FBXO32: variants seen among roughly 807,000 people sequenced by gnomAD.
The protein encoded by FBXO32 is F-box only protein 32.
In FBXO32, 15 loss-of-function variants were observed where a neutral mutation model predicts 48.3. That is an observed-to-expected ratio of 0.31 (90% CI 0.21 to 0.48). FBXO32 has a LOEUF of 0.48. Among genes scored for constraint, FBXO32 ranks in the 20% least tolerant of loss-of-function variants. The probability of loss-of-function intolerance (pLI) is 0.99; values close to 1 mark genes in which losing one functional copy is unlikely to be tolerated. For missense variants in FBXO32, 309 were observed against 432.7 expected (o/e 0.71, Z 2.54); for synonymous variants, 154 against 165.9 (o/e 0.93, Z 0.55).
chr8:123,533,488 AT>A (rs199715089), intron 2 of FBXO32, among the ~76,000 whole-genome samples: 2 of 151,578 alleles, frequency 1.3e-5, no homozygotes, highest in Admixed American at 1.3e-4. Context: ...AAACTACTAT[AT>A]TTTTTTTTCT....
At chr8:123,521,454 G>T (rs1262236660) in intron 4 of FBXO32, among the ~76,000 whole-genome samples, 2 of 152,208 alleles carry the variant, frequency 1.3e-5, no homozygotes, top group Non-Finnish European at 2.9e-5. Context: ...TGATGCCCCA[G>T]GAGTGGCATG....
chr8:123,507,721 C>T lies in FBXO32; in HGVS notation c.652-1147G>A, dbSNP rs540818415. ...TGAGCTCATGATACCCTGCCCAGAT[C>T]TACATCCTTGAAGGCAGGGTCTAAT... On this transcript the variant is annotated intron_variant, in intron 6 of 8. Transcript: ENST00000517956. Among the ~76,000 whole-genome samples the T allele has an allele frequency of 1.8e-3, 275 of 152,052 alleles. 3 individuals carry two copies. The highest frequency in any genetic ancestry group is 6.9e-4 in the Non-Finnish European group (47 of 67,970).
chr8:123,534,338 AAG>A (rs1817271260), intron 2 of FBXO32, among the ~76,000 whole-genome samples: 1 of 152,230 alleles, frequency 6.6e-6, no homozygotes, highest in African/African-American at 2.4e-5. Context: ...TATACAAGGA[AAG>A]AGGGAGAAAA....
At position 123,506,746 on chromosome 8, in the gene FBXO32, C is replaced by A. The variant is rs1343696460; in HGVS notation, c.652-172G>T. 1.6e-6 allele frequency: 1 copy of A among 609,250 alleles called. No homozygotes were observed. The allele number at this position is 609,250 out of a possible 1,614,324, so 37.7% of individuals were successfully genotyped here. A position where few individuals can be genotyped will look rare whatever the true frequency, so the allele number is the denominator to read the frequency against. The stretch of plus-strand genomic sequence containing the variant: ...CCTAAATGCAGACAGGAGACCATGG[C>A]CATGACCCTCAATGAAGTGTGGAGT... On this transcript the variant is annotated intron_variant, in intron 6 of 8. Coordinates refer to ENST00000517956, the MANE Select transcript of FBXO32 (RefSeq NM_058229.4). The surrounding 1 kb of genome is among the most constrained non-coding windows in gnomAD (Gnocchi z 4.0).
At chr8:123,536,631 G>A (rs1055242502) in intron 1 of FBXO32, among the ~76,000 whole-genome samples, 2 of 152,102 alleles carry the variant, frequency 1.3e-5, no homozygotes, top group African/African-American at 2.4e-5. Context: ...ACCACATGAA[G>A]GCTTACTTAG....
Position 123,506,882 on chromosome 8 carries a change from A to G in FBXO32, c.652-308T>C, listed in dbSNP as rs972730336. ...TGTGCTTTACTCAGTTCACACAATT[A>G]CAAGGTTCGCTGCTTTCCTGAAGGC... is the stretch of plus-strand genomic sequence containing the variant. On this transcript the variant is annotated intron_variant, in intron 6 of 8. Coordinates refer to ENST00000517956, the MANE Select transcript of FBXO32 (RefSeq NM_058229.4). The surrounding 1 kb of genome is among the most constrained non-coding windows in gnomAD (Gnocchi z 4.0). Among the ~76,000 whole-genome samples, 2 of 152,164 alleles carry G rather than the reference A, an allele frequency of 1.3e-5. No homozygotes were observed. Among genetic ancestry groups the G allele is most frequent in the African/African-American group, 4.8e-5 (2 of 41,430 alleles).
At chr8:123,521,342 G>A (rs1308957278) in intron 4 of FBXO32, among the ~76,000 whole-genome samples, 1 of 152,208 alleles carries the variant, frequency 6.6e-6, no homozygotes, top group East Asian at 1.9e-4. Context: ...ATTTCCTCCT[G>A]CTATAGATGA....
In FBXO32 at chr8:123,503,806, G is replaced by A. The variant is rs117441196; in HGVS notation, c.979-344C>T. Among the ~76,000 whole-genome samples, 1,099 of 152,250 alleles carry A rather than the reference G, an allele frequency of 7.2e-3. 6 individuals are homozygous for A. The highest frequency in any genetic ancestry group is 0.012 in the Non-Finnish European group (784 of 68,006). ...CTATTGAATATTTCAGGCTGGGCACGATGGCTCACACCTGTAATCCCAGCA... is the reference window on the plus strand; with the variant it reads ...CTATTGAATATTTCAGGCTGGGCACAATGGCTCACACCTGTAATCCCAGCA... On this transcript the variant is annotated intron_variant, in intron 8 of 8. Coordinates refer to ENST00000517956, the MANE Select transcript of FBXO32 (RefSeq NM_058229.4).
intron 2 of FBXO32, among the ~76,000 whole-genome samples, chr8:123,533,474 C>T (rs1817248933): frequency 6.6e-6 from 1 of 152,032 alleles, no homozygotes; most frequent in Non-Finnish European, 1.5e-5. Flanking sequence ...TATACCAAAG[C>T]TCCAAACTAC....
At chr8:123,514,674 T>G (rs1816802334) in intron 4 of FBXO32, among the ~76,000 whole-genome samples, 1 of 152,260 alleles carries the variant, frequency 6.6e-6, no homozygotes, top group Non-Finnish European at 1.5e-5. Context: ...ATGGCTGAGT[T>G]CTGCAGAATC....
chr8:123,535,613 G>A (rs991745965), intron 1 of FBXO32, among the ~76,000 whole-genome samples: 10 of 152,154 alleles, frequency 6.6e-5, no homozygotes, highest in African/African-American at 1.2e-4. Flanking sequence ...CGGGCCAGAC[G>A]CTTATTTGCC....
At chr8:123,515,924 AGAG>A in intron 4 of FBXO32, among the ~76,000 whole-genome samples, 1 of 152,302 alleles carries the variant, frequency 6.6e-6, no homozygotes, top group Admixed American at 6.5e-5. Context: ...GCCAGGAGGC[AGAG>A]GTTGCAGTGA....
At chr8:123,510,011 A>G (rs1213770896) in intron 6 of FBXO32, among the ~76,000 whole-genome samples, 1 of 152,230 alleles carries the variant, frequency 6.6e-6, no homozygotes, top group Non-Finnish European at 1.5e-5. Flanking sequence ...CAGATGAGAT[A>G]ATACATAGAA....
At chr8:123,532,042 C>T (rs1369802843) in intron 3 of FBXO32, 52 bp from the exon 4 acceptor site, 1 of 1,608,110 alleles carries the variant, frequency 6.2e-7, no homozygotes, top group African/African-American at 1.3e-5. Flanking sequence ...CAGAGGTCAC[C>T]CAAGTAAGAA....
chr8:123,516,649 C>CCA (rs1816845351), intron 4 of FBXO32, among the ~76,000 whole-genome samples: 1 of 152,160 alleles, frequency 6.6e-6, no homozygotes, highest in Admixed American at 6.5e-5. Context: ...GCCTGTTAAA[C>CCA]CACACACAGA....
intron 4 of FBXO32, 125 bp downstream of exon 4, chr8:123,531,773 T>G (rs1304502829): frequency 8.8e-7 from 1 of 1,142,406 alleles, no homozygotes; most frequent in South Asian, 1.6e-5. Flanking sequence ...GTCTGTTTTC[T>G]GCTTGCCTCA....
At position 123,503,158 on chromosome 8, in the gene FBXO32, C is replaced by A; in HGVS notation, c.*215G>T. 1 of 418,276 alleles carries A rather than the reference C, an allele frequency of 2.4e-6. No individual in the cohort carries two copies. Among genetic ancestry groups the A allele is most frequent in the East Asian group, 3.9e-5 (1 of 25,348 alleles). 25.9% of individuals were successfully genotyped at this position (418,276 alleles called of 1,614,324 possible). Reference sequence around the variant, plus strand: ...AAAAAAGTTTATTTACAGTATTTTGCTTTTCCATACCAATTCTAGTGAGAA... The same window carrying A: ...AAAAAAGTTTATTTACAGTATTTTGATTTTCCATACCAATTCTAGTGAGAA... On this transcript the variant is annotated 3_prime_UTR_variant, in exon 9 of 9. Transcript: ENST00000517956.
chr8:123,515,052 G>A lies in FBXO32; in HGVS notation c.373-719C>T, dbSNP rs546677707. On this transcript the variant is annotated intron_variant, in intron 4 of 8. Transcript: ENST00000517956. ...GATGGGCAAGTTACTATATTTCTTG[G>A]TGCCCCACCCAGTTTGTTCATCTAT... Among the ~76,000 whole-genome samples the A allele has an allele frequency of 2.4e-4, 37 of 152,198 alleles. No individual in the cohort carries two copies. In the South Asian group the frequency reaches 7.7e-3, roughly 32 times the overall value.
At chr8:123,526,140 T>A (rs924824109) in intron 4 of FBXO32, among the ~76,000 whole-genome samples, 7 of 152,080 alleles carry the variant, frequency 4.6e-5, no homozygotes, top group Non-Finnish European at 1.0e-4. Context: ...GCTATTGTCA[T>A]CATTTCCATT....
Sources: gnomAD v4.1 joint callset for allele counts (sites outside exome capture counted in the v4.1 genomes callset) on GRCh38, gnomAD v4.1.1 for gene constraint, Gnocchi (gnomAD v3.1) non-coding constraint, MANE v1.5 for transcripts, NCBI Gene and HGNC (gene_info 2026-07-23, HGNC 2026-07-21) for gene names.